Variants in KLHL29 observed in about 807,000 individuals in gnomAD.
KLHL29 encodes kelch like family member 29.
Under a neutral mutation model 80.4 loss-of-function variants are expected in KLHL29, and 21 were observed. That is an observed-to-expected ratio of 0.26 (90% CI 0.19 to 0.38). KLHL29 has a LOEUF of 0.38. Among genes scored for constraint, KLHL29 ranks in the 10% least tolerant of loss-of-function variants. The probability of loss-of-function intolerance (pLI) is 1.00; values close to 1 mark genes in which losing one functional copy is unlikely to be tolerated. For synonymous variants in KLHL29, 511 were observed against 526.8 expected, an observed-to-expected ratio of 0.97 and a Z score of 0.41; for missense variants, 867 against 1,223.9, an observed-to-expected ratio of 0.71 and a Z score of 4.35.
intron 6 of KLHL29, among the ~76,000 whole-genome samples, chr2:23,686,205 C>T (rs1671251338): frequency 1.3e-5 from 2 of 152,086 alleles, no homozygotes; most frequent in African/African-American, 4.8e-5. Context: ...AAGCCCTGAC[C>T]CCATGCTAGG....
Position 23,684,341 on chromosome 2 carries a change from T to TAAAA in KLHL29, c.941-48_941-45dup. ...AAAAAGAAAAAAAACTTTTTTTAATTAAAAAAAAAAAAACTCTTAATGGGA... is the reference window on the plus strand; with the variant it reads ...AAAAAGAAAAAAAACTTTTTTTAATTAAAAAAAAAAAAAAAAACTCTTAATGGGA... On this transcript the variant is annotated intron_variant, in intron 5 of 13. Transcript: ENST00000486442. This position sits in a 1 kb window ranked among gnomAD's most constrained non-coding sequence, Gnocchi z 4.4. The TAAAA allele has an allele frequency of 1.0e-6, 1 of 994,028 alleles. No homozygotes were observed. The highest frequency in any genetic ancestry group is 4.2e-5 in the Admixed American group (1 of 23,844). 61.6% of individuals were successfully genotyped at this position (994,028 alleles called of 1,614,324 possible). A position where few individuals can be genotyped will look rare whatever the true frequency, so the allele number is the denominator to read the frequency against.
rs1666768797 is a variant in KLHL29, at chr2:23,539,431, C to CTTTTTTTTTTTTT, written c.-45-22721_-45-22720insTTTTTTTTTTTTT. On this transcript the variant is annotated intron_variant, in intron 2 of 13. Coordinates refer to ENST00000486442, the MANE Select transcript of KLHL29 (RefSeq NM_052920.2). The stretch of plus-strand genomic sequence containing the variant: ...ATGCTTTGCTAGCCTTATCCTGCCT[C>CTTTTTTTTTTTTT]CTTTTTTTTTTTTTTTTTTTTTTTT... Among the ~76,000 whole-genome samples, 9 of 107,216 alleles carry CTTTTTTTTTTTTT rather than the reference C, an allele frequency of 8.4e-5. 4 individuals carry two copies. Among genetic ancestry groups the CTTTTTTTTTTTTT allele is most frequent in the Non-Finnish European group, 7.5e-5 (4 of 53,526 alleles). The allele number at this position is 107,216 out of a possible 152,430, so 70.3% of individuals were successfully genotyped here.
At chr2:23,540,366 G>T (rs535133536) in intron 2 of KLHL29, among the ~76,000 whole-genome samples, 39 of 152,306 alleles carry the variant, frequency 2.6e-4, no homozygotes, top group African/African-American at 9.4e-4. Flanking sequence ...CAGCCCCAGG[G>T]GGCTTCTAGC....
intron 1 of KLHL29, among the ~76,000 whole-genome samples, chr2:23,418,480 T>C (rs1167629018): frequency 2.6e-5 from 4 of 152,210 alleles, no homozygotes; most frequent in Admixed American, 2.0e-4. Flanking sequence ...GGTTTTGAAA[T>C]GTTAGGCTTC....
intron 3 of KLHL29, among the ~76,000 whole-genome samples, chr2:23,566,324 C>T (rs1232236411): frequency 6.6e-6 from 1 of 152,220 alleles, no homozygotes; most frequent in Non-Finnish European, 1.5e-5. Flanking sequence ...TGACCACGTC[C>T]TCCAGCCCCT....
At chr2:23,502,429 G>A (rs1665478412) in intron 2 of KLHL29, among the ~76,000 whole-genome samples, 1 of 152,218 alleles carries the variant, frequency 6.6e-6, no homozygotes, top group Admixed American at 6.5e-5. Context: ...GGAGTCGGGT[G>A]TTTCAGCAGC....
intron 2 of KLHL29, among the ~76,000 whole-genome samples, chr2:23,533,200 C>T (rs1316230746): frequency 2.0e-5 from 3 of 152,112 alleles, no homozygotes; most frequent in East Asian, 1.9e-4. Context: ...AGAAACCATG[C>T]GTATGTGTGA....
intron 5 of KLHL29, chr2:23,672,741 G>C (rs1484134618): frequency 6.6e-6 from 1 of 152,662 alleles, no homozygotes; most frequent in Admixed American, 6.5e-5. Flanking sequence ...CCCAGCTCCA[G>C]GTGTCGGCCC....
At position 23,500,790 on chromosome 2, in the gene KLHL29, G is replaced by A. The variant is rs149009286; in HGVS notation, c.-46+25123G>A. Among the ~76,000 whole-genome samples, 24 of 152,266 alleles carry A rather than the reference G, an allele frequency of 1.6e-4. No homozygotes were observed. In the East Asian group the frequency reaches 4.6e-3, roughly 29 times the overall value. ...TTTCCCTAACTCCTCATCCCCTTGC[G>A]ACAATTTATAAAAGAGAAATCAGGA... is the stretch of plus-strand genomic sequence containing the variant. On this transcript the variant is annotated intron_variant, in intron 2 of 13. Transcript: ENST00000486442.
chr2:23,660,365 C>A (rs1003405789), intron 5 of KLHL29, among the ~76,000 whole-genome samples: 1 of 152,220 alleles, frequency 6.6e-6, no homozygotes, highest in Non-Finnish European at 1.5e-5. Context: ...AGAGCCAAGG[C>A]AGCTTGCCCT....
chr2:23,527,244 T>C (rs1156469145), intron 2 of KLHL29, among the ~76,000 whole-genome samples: 6 of 152,190 alleles, frequency 3.9e-5, no homozygotes, highest in Non-Finnish European at 7.4e-5. Flanking sequence ...ACTGGACCTC[T>C]TTCCAGTCCT....
chr2:23,610,519 G>T (rs150738773), intron 3 of KLHL29, among the ~76,000 whole-genome samples: 26 of 152,278 alleles, frequency 1.7e-4, no homozygotes, highest in South Asian at 6.2e-4. Context: ...CCTCAGTTCC[G>T]CACTTCCCCA....
intron 1 of KLHL29, among the ~76,000 whole-genome samples, chr2:23,439,948 G>C (rs1395766966): frequency 6.6e-6 from 1 of 151,338 alleles, no homozygotes; most frequent in African/African-American, 2.4e-5. Flanking sequence ...GGGAGTCTAA[G>C]TCTGTTTGTA....
At chr2:23,411,587 G>C (rs917285602) in intron 1 of KLHL29, among the ~76,000 whole-genome samples, 1 of 152,166 alleles carries the variant, frequency 6.6e-6, no homozygotes, top group Middle Eastern at 3.4e-3. Flanking sequence ...TGTGTGTGCC[G>C]CAAGAGTTTT....
At chr2:23,399,109 A>G (rs2577752) in intron 1 of KLHL29, among the ~76,000 whole-genome samples, 10,133 of 152,180 alleles carry the variant, frequency 0.067, 633 homozygotes, top group African/African-American at 0.17. Context: ...ACTGTGGACA[A>G]CTCCAATAAA....
chr2:23,598,258 A>G (rs908328977), intron 3 of KLHL29, among the ~76,000 whole-genome samples: 5 of 150,948 alleles, frequency 3.3e-5, no homozygotes, highest in Non-Finnish European at 4.4e-5. Context: ...ATTTTAAGAT[A>G]AAAAAAAACC....
chr2:23,597,861 C>T (rs1006417401), intron 3 of KLHL29, among the ~76,000 whole-genome samples: 5 of 152,148 alleles, frequency 3.3e-5, no homozygotes, highest in African/African-American at 1.2e-4. Flanking sequence ...CCATCCCCGA[C>T]CTGTGGTCTT....
At chr2:23,670,437 G>A (rs1206632546) in intron 5 of KLHL29, among the ~76,000 whole-genome samples, 1 of 152,098 alleles carries the variant, frequency 6.6e-6, no homozygotes. Context: ...CACCGTGCCT[G>A]CTACACAGGG....
chr2:23,436,814 A>G (rs1663358960), intron 1 of KLHL29, among the ~76,000 whole-genome samples: 2 of 152,332 alleles, frequency 1.3e-5, no homozygotes, highest in African/African-American at 4.8e-5. Flanking sequence ...GCCCATAGCT[A>G]TAAATTAAAG....
Sources: allele counts gnomAD v4.1 joint callset (sites outside exome capture counted in the v4.1 genomes callset), GRCh38; gene constraint gnomAD v4.1.1; non-coding constraint Gnocchi (gnomAD v3.1); transcripts MANE v1.5; gene names NCBI Gene and HGNC (gene_info 2026-07-23, HGNC 2026-07-21).